Variants in ADGRL2 observed in about 807,000 individuals in gnomAD.
ADGRL2 encodes calcium-independent alpha-latrotoxin receptor 2.
A neutral mutation model predicts 157.4 loss-of-function variants in ADGRL2; 44 were observed. That is an observed-to-expected ratio of 0.28 (90% CI 0.22 to 0.36). The LOEUF (loss-of-function observed/expected upper bound fraction) is 0.36, where lower values mean the gene tolerates loss of function less well. Among genes scored for constraint, ADGRL2 ranks in the 10% least tolerant of loss-of-function variants. The pLI is 1.00. For missense variants in ADGRL2, 1,510 were observed against 1,768.9 expected, an observed-to-expected ratio of 0.85 and a Z score of 2.63; for synonymous variants, 585 against 624.7, an observed-to-expected ratio of 0.94 and a Z score of 0.95.
chr1:81,502,317 A>G (rs1464457547), intron 2 of ADGRL2: 1 of 1,613,932 alleles, frequency 6.2e-7, no homozygotes, highest in Admixed American at 1.7e-5. Flanking sequence ...TGGAATCTGG[A>G]TGAGCAGCTC....
At chr1:81,397,894 T>C (rs1307288664) in intron 1 of ADGRL2, among the ~76,000 whole-genome samples, 1 of 152,184 alleles carries the variant, frequency 6.6e-6, no homozygotes, top group Non-Finnish European at 1.5e-5. Context: ...AGATAATCTG[T>C]CCAGTGCTGA....
chr1:81,644,726 G>A (rs2082281439), intron 3 of ADGRL2, among the ~76,000 whole-genome samples: 1 of 152,180 alleles, frequency 6.6e-6, no homozygotes, highest in Non-Finnish European at 1.5e-5. Flanking sequence ...ATGTATCAAG[G>A]TAGGTTCATC....
At chr1:81,418,179 A>C (rs1159276472) in intron 1 of ADGRL2, among the ~76,000 whole-genome samples, 2 of 151,678 alleles carry the variant, frequency 1.3e-5, no homozygotes, top group Non-Finnish European at 2.9e-5. Flanking sequence ...ATATCTGCAC[A>C]CTCAAAACAA....
Position 81,361,944 on chromosome 1 carries a change from T to C in ADGRL2, c.-302+55435T>C, listed in dbSNP as rs75171879. On this transcript the variant is annotated intron_variant, in intron 1 of 24. Transcript: ENST00000370721. ...CCAGTAGCATACACTATGGTTTTTT[T>C]TTAGAAACAAATTCCTGGTTAGTCT... Among the ~76,000 whole-genome samples the C allele has an allele frequency of 4.1e-3, 617 of 152,002 alleles. 11 individuals carry two copies. Among genetic ancestry groups the C allele is most frequent in the East Asian group, 0.031 (158 of 5,156 alleles).
intron 2 of ADGRL2, among the ~76,000 whole-genome samples, chr1:81,475,909 G>C (rs879932787): frequency 8.5e-5 from 13 of 152,164 alleles, no homozygotes; most frequent in Non-Finnish European, 1.0e-4. Context: ...TGCCACGGGG[G>C]CAAGTAGCAG....
chr1:81,845,251 C>G (rs1557760395), intron 2 of ADGRL2, among the ~76,000 whole-genome samples: 1 of 152,028 alleles, frequency 6.6e-6, no homozygotes, highest in Non-Finnish European at 1.5e-5. Context: ...ATTTAATCCT[C>G]CTTTTCTACT....
chr1:81,688,823 C>CTGAA lies in ADGRL2; in HGVS notation c.-142-72987_-142-72984dup, dbSNP rs200904582. Among the ~76,000 whole-genome samples the CTGAA allele has an allele frequency of 9.1e-3, 1,380 of 152,296 alleles. 25 individuals are homozygous for CTGAA. The highest frequency in any genetic ancestry group is 0.031 in the African/African-American group (1,303 of 41,566). On this transcript the variant is annotated intron_variant, in intron 3 of 24. Transcript: ENST00000370721. ...GCTCTATCAGAGGGAAGGTCTAAGGCTGAAGGCTGTTGTTCAGATTCTTTT... is the reference window on the plus strand; with the variant it reads ...GCTCTATCAGAGGGAAGGTCTAAGGCTGAATGAAGGCTGTTGTTCAGATTCTTTT...
intron 4 of ADGRL2, among the ~76,000 whole-genome samples, chr1:81,941,214 A>AAAAT (rs1647837972): frequency 6.6e-6 from 1 of 151,012 alleles, no homozygotes; most frequent in Non-Finnish European, 1.5e-5. Flanking sequence ...CAAGTTTGAG[A>AAAAT]TATATAATAT....
intron 1 of ADGRL2, chr1:81,723,049 A>G: frequency 1.3e-6 from 1 of 759,444 alleles, no homozygotes; most frequent in Non-Finnish European, 2.4e-6. Flanking sequence ...GTAAATTGTC[A>G]GCCAATTGGG....
At chr1:81,676,226 G>A (rs1265174292) in intron 3 of ADGRL2, among the ~76,000 whole-genome samples, 1 of 151,990 alleles carries the variant, frequency 6.6e-6, no homozygotes, top group Non-Finnish European at 1.5e-5. Context: ...GGCCAGGCTG[G>A]TCTTGAACTC....
At chr1:81,631,213 T>C (rs2082004431) in intron 3 of ADGRL2, among the ~76,000 whole-genome samples, 1 of 151,758 alleles carries the variant, frequency 6.6e-6, no homozygotes, top group African/African-American at 2.4e-5. Flanking sequence ...CTTTTCTTTT[T>C]TCTTTTCTTT....
chr1:81,620,563 T>C (rs1415639666), intron 3 of ADGRL2, among the ~76,000 whole-genome samples: 2 of 152,246 alleles, frequency 1.3e-5, no homozygotes, highest in African/African-American at 4.8e-5. Flanking sequence ...CATAGTTTTC[T>C]GAATCCAGGT....
intron 2 of ADGRL2, among the ~76,000 whole-genome samples, chr1:81,491,260 G>T (rs2078626962): frequency 6.6e-6 from 1 of 152,196 alleles, no homozygotes; most frequent in Non-Finnish European, 1.5e-5. Flanking sequence ...TAAATTATGT[G>T]ATATCTGTTG....
chr1:81,333,391 TTTAA>T (rs756755985), intron 1 of ADGRL2, among the ~76,000 whole-genome samples: 2 of 147,392 alleles, frequency 1.4e-5, no homozygotes, highest in African/African-American at 5.2e-5. Flanking sequence ...TCCTTGACTT[TTTAA>T]TTAATTAATT....
At chr1:81,517,786 T>G (rs1206056258) in intron 2 of ADGRL2, among the ~76,000 whole-genome samples, 2 of 152,212 alleles carry the variant, frequency 1.3e-5, no homozygotes, top group Admixed American at 6.5e-5. Context: ...CTTTTTCCTT[T>G]CTCTGACCAT....
intron 3 of ADGRL2, among the ~76,000 whole-genome samples, chr1:81,936,238 A>G (rs530029973): frequency 1.3e-5 from 2 of 152,084 alleles, no homozygotes; most frequent in Admixed American, 6.6e-5. Flanking sequence ...AGAGGATAAA[A>G]TTAAAATCCT....
Position 81,955,944 on chromosome 1 carries a change from C to T in ADGRL2, c.1901C>T (p.Ser634Phe). The change falls in exon 11 of 24, where the codon TCT becomes TTT. Residue 634 changes from serine (S) to phenylalanine (F), a missense_variant. Ser to Phe is a radical substitution (Grantham distance 155, BLOSUM62 -2). Transcript: ENST00000686636. ...EALESWKHMNSSEQAHTATML... is the reference protein window; with the variant it reads ...EALESWKHMNFSEQAHTATML... ...TTGGAATCATGGAAACATATGAATT[C>T]TTCTGAACAAGCACATACTGCAACA... 6.2e-7 allele frequency: 1 copy of T among 1,608,686 alleles called. No individual in the cohort carries two copies. Among genetic ancestry groups the T allele is most frequent in the Non-Finnish European group, 8.5e-7 (1 of 1,177,640 alleles).
chr1:81,612,348 C>A (rs1187979599), intron 3 of ADGRL2, among the ~76,000 whole-genome samples: 3 of 152,104 alleles, frequency 2.0e-5, no homozygotes, highest in South Asian at 2.1e-4. Context: ...CTCCTGGGCA[C>A]CATCAGGGCC....
chr1:81,496,293 A>G (rs1444877257), intron 2 of ADGRL2, among the ~76,000 whole-genome samples: 1 of 152,202 alleles, frequency 6.6e-6, no homozygotes, highest in Admixed American at 6.5e-5. Context: ...CAACCAATAA[A>G]ACCTTTTATG....
Sources: allele counts gnomAD v4.1 joint callset (sites outside exome capture counted in the v4.1 genomes callset), GRCh38; gene constraint gnomAD v4.1.1; transcripts MANE v1.5; gene names NCBI Gene and HGNC (gene_info 2026-07-23, HGNC 2026-07-21).